Variants in ZBTB45 observed in about 807,000 individuals in gnomAD.
ZBTB45 encodes zinc finger and BTB domain containing 45, also known as zinc finger and BTB domain-containing protein 45.
ZBTB45 carries 22 observed loss-of-function variants against 28.4 expected under a neutral mutation model. The ratio of observed to expected loss-of-function variants is 0.77; its 90% CI spans 0.55 to 1.10. ZBTB45 has a LOEUF of 1.10. Among genes scored for constraint, ZBTB45 ranks in the 50% least tolerant of loss-of-function variants. ZBTB45 has a pLI of 0.00. For synonymous variants in ZBTB45, 361 were observed against 332.3 expected, an observed-to-expected ratio of 1.09 and a Z score of -0.94; for missense variants, 656 against 750.2, an observed-to-expected ratio of 0.87 and a Z score of 1.47.
upstream of ZBTB45, among the ~76,000 whole-genome samples, chr19:58,521,781 C>T (rs1018903061): frequency 6.6e-6 from 1 of 152,104 alleles, no homozygotes; most frequent in African/African-American, 2.4e-5. Flanking sequence ...CAGCTTTTAC[C>T]AGGCCCCTTC....
rs562609841 is a variant in ZBTB45, at chr19:58,518,662, C to T, written c.1-989G>A. ...CTCTGGAATCTGAGGAGTTCTGCTA[C>T]TCCATCCATCAAGCAGGTAAACCGT... On this transcript the variant is annotated intron_variant, in intron 1 of 2. Coordinates refer to ENST00000594051, the MANE Select transcript of ZBTB45 (RefSeq NM_001316979.2). Among the ~76,000 whole-genome samples the T allele has an allele frequency of 7.2e-5, 11 of 152,236 alleles. 1 individual carries two copies. In the South Asian group the frequency reaches 2.3e-3, roughly 31 times the overall value.
intron 1 of ZBTB45, among the ~76,000 whole-genome samples, chr19:58,529,581 C>T (rs1046314483): frequency 1.3e-5 from 2 of 152,314 alleles, no homozygotes; most frequent in African/African-American, 2.4e-5. Context: ...ATTAACCTAA[C>T]CTTCTGTCTA....
intron 1 of ZBTB45, among the ~76,000 whole-genome samples, chr19:58,532,598 G>A (rs1415089131): frequency 6.6e-6 from 1 of 152,148 alleles, no homozygotes. Context: ...CAAGGCTGGA[G>A]TGCAGTGTCA....
At position 58,517,031 on chromosome 19, in the gene ZBTB45, C is replaced by G; in HGVS notation, c.643G>C (p.Asp215His). Residue 215 changes from aspartate to histidine, a missense_variant, in exon 2 of 3, where the codon GAC becomes CAC. Around this residue, in one of 3 missense-constraint regions of ZBTB45, gnomAD observed 448 missense variants for 444.3 expected, o/e 1.01. Transcript: ENST00000594051. ...CCATCCTCGCCATCGGTCTCATCGT[C>G]ACTTTCCTCGTCATCCTCGTCACCT... ...DRGDEDDEESDDETDGEDGEG... is the reference protein window; with the variant it reads ...DRGDEDDEESHDETDGEDGEG... 1 of 1,613,302 alleles carries G rather than the reference C, an allele frequency of 6.2e-7. No individual in the cohort carries two copies. Among genetic ancestry groups the G allele is most frequent in the Non-Finnish European group, 8.5e-7 (1 of 1,180,024 alleles).
At chr19:58,536,651 G>GA (rs920727534) in intron 1 of ZBTB45, among the ~76,000 whole-genome samples, 18 of 151,728 alleles carry the variant, frequency 1.2e-4, no homozygotes, top group African/African-American at 4.4e-4. Context: ...TCAAAAAAAA[G>GA]AAAAAAGAAG....
At chr19:58,526,970 G>C (rs2053611439) in intron 1 of ZBTB45, among the ~76,000 whole-genome samples, 1 of 152,112 alleles carries the variant, frequency 6.6e-6, no homozygotes, top group South Asian at 2.1e-4. Context: ...TGGGACTACA[G>C]TTGTGGCCCA....
upstream of ZBTB45, among the ~76,000 whole-genome samples, chr19:58,524,755 C>T (rs1290236291): frequency 4.6e-5 from 7 of 151,636 alleles, no homozygotes; most frequent in Admixed American, 4.6e-4. Flanking sequence ...TGGTGGCAGG[C>T]GCCTGTAGTC....
intron 1 of ZBTB45, among the ~76,000 whole-genome samples, chr19:58,535,104 C>T (rs962271234): frequency 1.3e-5 from 2 of 151,698 alleles, no homozygotes; most frequent in African/African-American, 4.8e-5. Flanking sequence ...AACTCCTGAC[C>T]TCATGATCCG....
chr19:58,518,996 G>C (rs1274865718), intron 1 of ZBTB45: 5 of 152,294 alleles, frequency 3.3e-5, no homozygotes, highest in African/African-American at 9.7e-5. Flanking sequence ...CCCCACATTT[G>C]ACCCTCAGAC....
chr19:58,533,257 T>C (rs912615976), intron 1 of ZBTB45, among the ~76,000 whole-genome samples: 33 of 152,226 alleles, frequency 2.2e-4, no homozygotes, highest in Admixed American at 6.5e-4. Context: ...TATGGGGCAT[T>C]AGTCCCATTA....
At position 58,513,855 on chromosome 19, in the gene ZBTB45, C is replaced by G. The variant is rs1297686054; in HGVS notation, c.*199G>C. 5 of 615,822 alleles carry G rather than the reference C, an allele frequency of 8.1e-6. No individual in the cohort carries two copies. In the East Asian group the frequency reaches 1.7e-4, roughly 21 times the overall value. 38.1% of individuals were successfully genotyped at this position (615,822 alleles called of 1,614,324 possible). A position where few individuals can be genotyped will look rare whatever the true frequency, so the allele number is the denominator to read the frequency against. On this transcript the variant is annotated 3_prime_UTR_variant, in exon 3 of 3. Coordinates refer to ENST00000594051, the MANE Select transcript of ZBTB45 (RefSeq NM_001316979.2). ...CAGCCCCAGCCCCAGCCCGGCACCA[C>G]CTGGAGGGTTCAAGTACATGGAGGA...
chr19:58,530,387 A>T (rs1369559470), intron 1 of ZBTB45, among the ~76,000 whole-genome samples: 2 of 151,870 alleles, frequency 1.3e-5, no homozygotes, highest in Non-Finnish European at 2.9e-5. Context: ...GGCTCACCAC[A>T]ACCTCCGCCT....
At chr19:58,524,435 A>ATATGTGTGTG (rs1555797057), upstream of ZBTB45, among the ~76,000 whole-genome samples, 1 of 138,260 alleles carries the variant, frequency 7.2e-6, no homozygotes, top group East Asian at 2.1e-4. Flanking sequence ...GTGTTCATAT[A>ATATGTGTGTG]TGTGTGTGTG....
chr19:58,515,448 C>T lies in ZBTB45; in HGVS notation c.1279+947G>A, dbSNP rs117058822. Among the ~76,000 whole-genome samples the T allele has an allele frequency of 3.8e-3, 576 of 152,238 alleles. 13 individuals are homozygous for T. In the East Asian group the frequency reaches 0.059, roughly 15 times the overall value. ...CACACACTTCACACAGCCAGCACTA[C>T]CCTGGGGCCTCTGGCAGTTCCCTGG... On this transcript the variant is annotated intron_variant, in intron 2 of 2. Transcript: ENST00000594051. This position sits in a 1 kb window ranked among gnomAD's most constrained non-coding sequence, Gnocchi z 4.7.
upstream of ZBTB45, among the ~76,000 whole-genome samples, chr19:58,524,094 C>T (rs1419345256): frequency 7.6e-6 from 1 of 130,746 alleles, no homozygotes; most frequent in Middle Eastern, 6.6e-3. Context: ...GGGCTTGGGA[C>T]GGTGGCTTAT....
upstream of ZBTB45, among the ~76,000 whole-genome samples, chr19:58,521,028 G>A (rs1360436328): frequency 8.9e-6 from 1 of 112,508 alleles, no homozygotes; most frequent in Non-Finnish European, 1.7e-5. Flanking sequence ...CTCCAGCCTG[G>A]GCGACAGAAC....
Position 58,525,348 on chromosome 19 carries a change from G to A in ZBTB45, c.1-7675C>T, listed in dbSNP as rs80099732. On this transcript the variant is annotated intron_variant, in intron 1 of 1. Transcript: ENST00000600130. Reference sequence around the variant, plus strand: ...AAGTACTAAATGAGTACACACAGGAGCAGGCACTAAGCATATACCTGCAGA... The same window carrying A: ...AAGTACTAAATGAGTACACACAGGAACAGGCACTAAGCATATACCTGCAGA... Among the ~76,000 whole-genome samples, 7 of 152,234 alleles carry A rather than the reference G, an allele frequency of 4.6e-5. No individual in the cohort carries two copies. The East Asian group carries it at 1.3e-3, about 29-fold the overall frequency.
At chr19:58,527,471 G>C (rs925831171) in intron 1 of ZBTB45, among the ~76,000 whole-genome samples, 1 of 152,150 alleles carries the variant, frequency 6.6e-6, no homozygotes, top group Non-Finnish European at 1.5e-5. Context: ...GTGTCTGCTT[G>C]ACATTTCCTA....
chr19:58,521,084 G>GC (rs2053574133), upstream of ZBTB45, among the ~76,000 whole-genome samples: 1 of 99,372 alleles, frequency 1.0e-5, no homozygotes, highest in Non-Finnish European at 1.9e-5. Flanking sequence ...AAAAAAAAAG[G>GC]CCGGGCGCGG....
Sources: gnomAD v4.1 joint callset for allele counts (sites outside exome capture counted in the v4.1 genomes callset) on GRCh38, gnomAD v4.1.1 for gene constraint, gnomAD v4.1.1 regional missense constraint, Gnocchi (gnomAD v3.1) non-coding constraint, MANE v1.5 for transcripts, NCBI Gene and HGNC (gene_info 2026-07-23, HGNC 2026-07-21) for gene names.